The following CUL2 variants were observed in gnomAD, a reference collection of about 807,000 sequenced individuals.
CUL2 encodes cullin 2, also known as cullin-2.
A neutral mutation model predicts 110.2 loss-of-function variants in CUL2; 22 were observed. The ratio of observed to expected loss-of-function variants is 0.20; its 90% CI spans 0.14 to 0.28. CUL2 has a LOEUF of 0.28. Among genes scored for constraint, CUL2 ranks in the 10% least tolerant of loss-of-function variants. CUL2 has a pLI of 1.00. For missense variants in CUL2, 631 were observed against 905.5 expected (o/e 0.70, Z 3.89); for synonymous variants, 279 against 293.2 (o/e 0.95, Z 0.49).
Position 35,022,349 on chromosome 10 carries a change from C to T in CUL2, c.1684+2783G>A, listed in dbSNP as rs529020234. ...CAAACACCACCTTGTGCACCATCAA[C>T]CATTTGTGAAGACTCTTCATTTACA... On this transcript the variant is annotated intron_variant, in intron 17 of 20. Transcript: ENST00000374749. 2.4e-4 allele frequency among the ~76,000 whole-genome samples: 37 copies of T among 152,346 alleles called. No homozygotes were observed. In the South Asian group the frequency reaches 6.6e-3, roughly 27 times the overall value.
At chr10:35,092,244 C>T (rs2087221570), upstream of CUL2, among the ~76,000 whole-genome samples, 1 of 152,216 alleles carries the variant, frequency 6.6e-6, no homozygotes, top group Non-Finnish European at 1.5e-5. Flanking sequence ...GAGTGAGCCA[C>T]CATGCCTGGC....
At chr10:35,027,165 G>A (rs2085356514) in intron 16 of CUL2, among the ~76,000 whole-genome samples, 1 of 139,326 alleles carries the variant, frequency 7.2e-6, no homozygotes, top group African/African-American at 2.7e-5. Flanking sequence ...TTTTTTTTGA[G>A]GCGGAGTCTC....
chr10:35,111,484 C>A (rs1044950249), intron 1 of CUL2, among the ~76,000 whole-genome samples: 2 of 152,166 alleles, frequency 1.3e-5, no homozygotes, highest in East Asian at 3.8e-4. Flanking sequence ...GTCTCAAACT[C>A]CTGGCCTCAA....
chr10:35,082,929 G>A (rs565205081), intron 1 of CUL2, among the ~76,000 whole-genome samples: 7 of 152,170 alleles, frequency 4.6e-5, no homozygotes, highest in African/African-American at 1.2e-4. Flanking sequence ...AGGCCAAGGC[G>A]GGCAGATCAC....
chr10:35,057,727 T>C (rs1357890427), intron 4 of CUL2, among the ~76,000 whole-genome samples: 1 of 152,120 alleles, frequency 6.6e-6, no homozygotes, highest in African/African-American at 2.4e-5. Flanking sequence ...CATTTTAATA[T>C]GGACACCATT....
At chr10:35,041,417 C>G (rs945255170) in intron 8 of CUL2, among the ~76,000 whole-genome samples, 1 of 152,130 alleles carries the variant, frequency 6.6e-6, no homozygotes, top group South Asian at 2.1e-4. Flanking sequence ...ATAAGAGGAA[C>G]GCAGCAAGGA....
intron 2 of CUL2, among the ~76,000 whole-genome samples, chr10:35,064,611 A>G (rs898026902): frequency 2.4e-4 from 36 of 152,286 alleles, no homozygotes; most frequent in African/African-American, 7.7e-4. Context: ...TTACTCCAGA[A>G]AGCGCAAGCA....
intron 1 of CUL2, among the ~76,000 whole-genome samples, chr10:35,109,291 C>T (rs2087500411): frequency 2.0e-5 from 3 of 152,126 alleles, no homozygotes; most frequent in Admixed American, 2.0e-4. Flanking sequence ...TCATTTCAAC[C>T]AGGCAGAATT....
At chr10:35,033,732 G>A (rs76701277) in intron 10 of CUL2, among the ~76,000 whole-genome samples, 12 of 143,020 alleles carry the variant, frequency 8.4e-5, no homozygotes, top group Non-Finnish European at 1.2e-4. Flanking sequence ...GTGAGACTCC[G>A]TCTCAGAAAA....
chr10:35,101,609 G>A (rs535424549), intron 1 of CUL2, among the ~76,000 whole-genome samples: 1 of 152,332 alleles, frequency 6.6e-6, no homozygotes, highest in East Asian at 1.9e-4. Flanking sequence ...AGAGTTACAA[G>A]TGGGATGCTA....
At chr10:35,048,682 T>C (rs1336711717) in intron 6 of CUL2, among the ~76,000 whole-genome samples, 1 of 152,218 alleles carries the variant, frequency 6.6e-6, no homozygotes, top group Non-Finnish European at 1.5e-5. Context: ...AGTATTGCCT[T>C]TCCTCTCCAG....
chr10:35,120,048 AAG>A (rs1349052163), intron 1 of CUL2: 1 of 152,218 alleles, frequency 6.6e-6, no homozygotes, highest in African/African-American at 2.4e-5. Context: ...AGTATCCAGA[AAG>A]AGAGAAAACT....
At chr10:35,024,767 T>A (rs1316961806) in intron 17 of CUL2, among the ~76,000 whole-genome samples, 1 of 152,220 alleles carries the variant, frequency 6.6e-6, no homozygotes, top group Non-Finnish European at 1.5e-5. Flanking sequence ...CTCCTTATGA[T>A]GCTATAATAA....
intron 1 of CUL2, among the ~76,000 whole-genome samples, chr10:35,080,753 C>G (rs1338677186): frequency 6.6e-6 from 1 of 152,054 alleles, no homozygotes; most frequent in Non-Finnish European, 1.5e-5. Flanking sequence ...CCGCACCCAG[C>G]CTAGAATTTC....
chr10:35,094,329 A>G (rs1265747834), upstream of CUL2, among the ~76,000 whole-genome samples: 1 of 151,564 alleles, frequency 6.6e-6, no homozygotes, highest in Non-Finnish European at 1.5e-5. Flanking sequence ...TCCGCCTCCC[A>G]GGTTCAAGCT....
intron 15 of CUL2, 101 bp from the exon 16 acceptor site, chr10:35,028,988 T>C: frequency 1.4e-6 from 1 of 701,748 alleles, no homozygotes; most frequent in South Asian, 2.2e-5. Context: ...CATTTTTTTC[T>C]TCCTCAAAAT....
chr10:35,049,815 T>C, intron 5 of CUL2, 50 bp from the exon 6 acceptor site: 3 of 1,230,778 alleles, frequency 2.4e-6, no homozygotes, highest in South Asian at 1.3e-5. Context: ...AGTATATGTT[T>C]AACATTTCCT....
At chr10:35,107,648 C>T (rs562709278) in intron 1 of CUL2, among the ~76,000 whole-genome samples, 17 of 150,676 alleles carry the variant, frequency 1.1e-4, no homozygotes, top group African/African-American at 2.4e-4. Flanking sequence ...TTAGGGAGGC[C>T]GAGGCGGGTG....
chr10:35,097,154 G>A (rs756758027), intron 2 of CUL2, among the ~76,000 whole-genome samples: 1 of 152,068 alleles, frequency 6.6e-6, no homozygotes. Context: ...TATGTAAACT[G>A]TAGATTTACT....
Sources: gnomAD v4.1 joint callset for allele counts (sites outside exome capture counted in the v4.1 genomes callset) on GRCh38, gnomAD v4.1.1 for gene constraint, MANE v1.5 for transcripts, NCBI Gene and HGNC (gene_info 2026-07-23, HGNC 2026-07-21) for gene names.